FNBP1: variants seen among roughly 807,000 people sequenced by gnomAD.
FNBP1 encodes the protein formin binding protein 1.
A neutral mutation model predicts 90.6 loss-of-function variants in FNBP1; 26 were observed. The ratio of observed to expected loss-of-function variants is 0.29; its 90% confidence interval spans 0.21 to 0.40. FNBP1 has a LOEUF of 0.40. Ranked by LOEUF, FNBP1 falls within the 10% of genes least tolerant of loss-of-function variation. The pLI is 1.00. For synonymous variants in FNBP1, 260 were observed against 265.2 expected, an observed-to-expected ratio of 0.98 and a Z score of 0.19; for missense variants, 635 against 768.0, an observed-to-expected ratio of 0.83 and a Z score of 2.05.
In FNBP1 at chr9:129,978,517, A is replaced by T. The variant is rs1286350284; in HGVS notation, c.293T>A (p.Ile98Asn). 1 of 1,613,558 alleles carries T rather than the reference A, an allele frequency of 6.2e-7. No homozygotes were observed. The highest frequency in any genetic ancestry group is 1.3e-5 in the African/African-American group (1 of 74,856). ...EVISENMASQ[I>N]IVDLARYVQE... ...AACATAGCGTGCCAAGTCCACAATG[A>T]TCTGTGATGCCATGTTCTCGGAGAT... The change falls in exon 4 of 17, where the codon ATC becomes AAC. Residue 98 changes from isoleucine to asparagine, a missense_variant. By Grantham distance (149) the Ile-to-Asn change is moderately radical. Coordinates refer to ENST00000446176, the MANE Select transcript of FNBP1 (RefSeq NM_015033.3).
rs2040171334 is a variant in FNBP1, at chr9:129,915,826, G to A, written c.1185+140C>T. On this transcript the variant is annotated intron_variant, in intron 11 of 16. Coordinates refer to ENST00000446176, the MANE Select transcript of FNBP1 (RefSeq NM_015033.3). Reference sequence around the variant, plus strand: ...CTTTGTATCCAAGAAGTCTAATAAGGAAACACCAACAAAAGCACACGTAAG... The same window carrying A: ...CTTTGTATCCAAGAAGTCTAATAAGAAAACACCAACAAAAGCACACGTAAG... 4.8e-6 allele frequency: 3 copies of A among 628,994 alleles called. No homozygotes were observed. The South Asian group carries it at 5.9e-5, about 12-fold the overall frequency. The allele number at this position is 628,994 out of a possible 1,614,324, so 39.0% of individuals were successfully genotyped here.
chr9:129,918,974 T>C (rs980424631), intron 10 of FNBP1: 2 of 205,350 alleles, frequency 9.7e-6, no homozygotes, highest in Admixed American at 1.1e-4. Context: ...TTCCGTATGG[T>C]TGAATTTATA....
chr9:129,929,698 T>C lies in FNBP1; in HGVS notation c.514-3A>G, dbSNP rs2042432618. 6.2e-7 allele frequency: 1 copy of C among 1,613,666 alleles called. No individual in the cohort carries two copies. On this transcript the variant is annotated splice_region_variant and splice_polypyrimidine_tract_variant and intron_variant, in intron 6 of 16. Transcript: ENST00000446176. ...CGTATTTGAGCTTGTTGTCGGGCCT[T>C]AGGGCAAAAACAAGAATACTCCTAC...
chr9:129,971,399 G>GT (rs1053354720), intron 4 of FNBP1, among the ~76,000 whole-genome samples: 53 of 150,716 alleles, frequency 3.5e-4, no homozygotes, highest in Middle Eastern at 3.4e-3. Context: ...TTTGTTTTTT[G>GT]TTTTTTTTTA....
chr9:130,020,429 C>T (rs1441179092), intron 1 of FNBP1, among the ~76,000 whole-genome samples: 4 of 152,032 alleles, frequency 2.6e-5, no homozygotes, highest in Non-Finnish European at 4.4e-5. Flanking sequence ...AGGCTGGTCT[C>T]GAACTCCTGG....
intron 1 of FNBP1, among the ~76,000 whole-genome samples, chr9:130,039,606 G>A (rs558092651): frequency 2.0e-5 from 3 of 150,022 alleles, no homozygotes; most frequent in Non-Finnish European, 4.4e-5. Context: ...AACCTGGGAA[G>A]TGAAAGTTGC....
chr9:130,021,075 T>C (rs2131907708), intron 1 of FNBP1, among the ~76,000 whole-genome samples: 1 of 152,310 alleles, frequency 6.6e-6, no homozygotes, highest in African/African-American at 2.4e-5. Context: ...GGTTATTTTT[T>C]TCCAAGTACT....
intron 1 of FNBP1, among the ~76,000 whole-genome samples, chr9:130,015,178 T>C (rs111937169): frequency 3.9e-4 from 60 of 152,314 alleles, no homozygotes; most frequent in African/African-American, 1.4e-3. Context: ...AAATATTTTA[T>C]TGAGCACTTA....
chr9:129,936,307 T>A (rs1227266288), intron 6 of FNBP1: 1 of 152,168 alleles, frequency 6.6e-6, no homozygotes, highest in Non-Finnish European at 1.5e-5. Flanking sequence ...TAGATTTTAT[T>A]CCCTTTCCTC....
intron 1 of FNBP1, among the ~76,000 whole-genome samples, chr9:129,996,507 G>GT (rs2054027883): frequency 6.6e-6 from 1 of 152,110 alleles, no homozygotes; most frequent in Non-Finnish European, 1.5e-5. Flanking sequence ...GCCCCCAAAT[G>GT]TTTCAAGTTT....
intron 10 of FNBP1, chr9:129,919,275 TA>T: frequency 5.5e-6 from 6 of 1,093,998 alleles, no homozygotes; most frequent in Non-Finnish European, 4.9e-6. Context: ...CAAGATAAAA[TA>T]AATAAAATTA....
rs957168720 is a variant in FNBP1 at position 129,947,771 on chromosome 9, C to T, written c.513+9589G>A. Among the ~76,000 whole-genome samples the T allele has an allele frequency of 4.0e-5, 6 of 151,384 alleles. No homozygotes were observed. In the East Asian group the frequency reaches 7.9e-4, roughly 20 times the overall value. ...CCGAGTAGCTGACATTACAGGCATG[C>T]GCCACCACACCTGGCTAATTTTGTA... On this transcript the variant is annotated intron_variant, in intron 6 of 16. Transcript: ENST00000446176.
At chr9:130,036,255 C>T (rs923096313) in intron 1 of FNBP1, among the ~76,000 whole-genome samples, 6 of 152,068 alleles carry the variant, frequency 3.9e-5, no homozygotes, top group Non-Finnish European at 8.8e-5. Flanking sequence ...GTTGATGAAA[C>T]AAGTATGAGT....
chr9:129,926,540 TG>T (rs746847250), intron 8 of FNBP1, among the ~76,000 whole-genome samples: 76 of 152,038 alleles, frequency 5.0e-4, no homozygotes, highest in Middle Eastern at 3.2e-3. Flanking sequence ...CATTCTGAAA[TG>T]CCCCCAACAA....
intron 4 of FNBP1, among the ~76,000 whole-genome samples, chr9:129,976,607 T>C (rs904062731): frequency 5.3e-5 from 8 of 152,216 alleles, no homozygotes; most frequent in African/African-American, 1.9e-4. Flanking sequence ...CTCTATTGAA[T>C]GCTTGTCCCA....
chr9:130,037,058 G>C lies in FNBP1; in HGVS notation c.24+5894C>G, dbSNP rs865900133. Among the ~76,000 whole-genome samples, 5 of 125,864 alleles carry C rather than the reference G, an allele frequency of 4.0e-5. No individual in the cohort carries two copies. The South Asian group carries it at 1.4e-3, about 34-fold the overall frequency. 82.6% of individuals were successfully genotyped at this position (125,864 alleles called of 152,430 possible). On this transcript the variant is annotated intron_variant, in intron 1 of 16. Coordinates refer to ENST00000446176, the MANE Select transcript of FNBP1 (RefSeq NM_015033.3). Reference sequence around the variant, plus strand: ...AGACTCCATCTCAAAAAAAAAAAAAGAAAAAGGAGCAGTAGAGGCCAGGCA... The same window carrying C: ...AGACTCCATCTCAAAAAAAAAAAAACAAAAAGGAGCAGTAGAGGCCAGGCA...
intron 6 of FNBP1, among the ~76,000 whole-genome samples, chr9:129,942,834 CTTTT>C (rs1343580234): frequency 1.6e-5 from 1 of 61,986 alleles, no homozygotes; most frequent in Non-Finnish European, 3.1e-5. Flanking sequence ...TGCCATTTGG[CTTTT>C]TTCTTTCTTT....
intron 1 of FNBP1, among the ~76,000 whole-genome samples, chr9:130,030,302 GGGCA>G (rs2058690314): frequency 4.0e-5 from 6 of 151,898 alleles, no homozygotes; most frequent in Admixed American, 1.3e-4. Flanking sequence ...GGGCGTGGTG[GGGCA>G]CACCTGTAAT....
intron 1 of FNBP1, among the ~76,000 whole-genome samples, chr9:130,010,360 C>T (rs1379562586): frequency 6.6e-6 from 1 of 152,142 alleles, no homozygotes; most frequent in African/African-American, 2.4e-5. Context: ...CCTGGCTAAC[C>T]AGATGTAGCA....
Sources: gnomAD v4.1 joint callset for allele counts (sites outside exome capture counted in the v4.1 genomes callset) on GRCh38, gnomAD v4.1.1 for gene constraint, MANE v1.5 for transcripts, NCBI Gene and HGNC (gene_info 2026-07-23, HGNC 2026-07-21) for gene names.